Variants in REV3L observed in about 807,000 individuals in gnomAD.
REV3L encodes REV3 like, DNA directed polymerase zeta catalytic subunit, also known as DNA polymerase zeta catalytic subunit.
Under a neutral mutation model 299.4 loss-of-function variants are expected in REV3L, and 69 were observed. The observed-to-expected ratio is 0.23, with a 90% CI of 0.19 to 0.28. The LOEUF is 0.28. Among genes scored for constraint, REV3L ranks in the 10% least tolerant of loss-of-function variants. REV3L has a pLI of 1.00. For missense variants in REV3L, 3,128 were observed against 3,693.8 expected, an observed-to-expected ratio of 0.85 and a Z score of 3.97; for synonymous variants, 1,238 against 1,271.4, an observed-to-expected ratio of 0.97 and a Z score of 0.56.
chr6:111,397,243 A>G (rs1782609239), intron 4 of REV3L, among the ~76,000 whole-genome samples: 1 of 151,898 alleles, frequency 6.6e-6, no homozygotes, highest in South Asian at 2.1e-4. Context: ...ATAGGCACCT[A>G]TTGCTATAAA....
chr6:111,301,623 G>A (rs538605984), intron 31 of REV3L, among the ~76,000 whole-genome samples: 4 of 152,118 alleles, frequency 2.6e-5, no homozygotes, highest in Non-Finnish European at 4.4e-5. Flanking sequence ...GACCCATAAT[G>A]AGTCAGAATC....
intron 1 of REV3L, among the ~76,000 whole-genome samples, chr6:111,470,558 G>T (rs2128336733): frequency 6.6e-6 from 1 of 152,292 alleles, no homozygotes; most frequent in Non-Finnish European, 1.5e-5. Flanking sequence ...TTAGTAAAAT[G>T]ACGTAAAATT....
intron 18 of REV3L, among the ~76,000 whole-genome samples, chr6:111,352,518 A>G (rs1055654094): frequency 3.9e-5 from 6 of 152,120 alleles, no homozygotes; most frequent in Admixed American, 3.3e-4. Context: ...TTGTGTTGCC[A>G]CTTATCTACC....
chr6:111,379,001 C>T (rs1263761562), intron 11 of REV3L, among the ~76,000 whole-genome samples: 1 of 152,180 alleles, frequency 6.6e-6, no homozygotes, highest in East Asian at 1.9e-4. Flanking sequence ...TTCTAGACAC[C>T]ATGCTTCTAC....
At chr6:111,465,186 T>C (rs1290441903) in intron 1 of REV3L, among the ~76,000 whole-genome samples, 1 of 149,874 alleles carries the variant, frequency 6.7e-6, no homozygotes, top group Admixed American at 6.7e-5. Flanking sequence ...GTTCAAGTGA[T>C]TCTCCTGGCT....
chr6:111,396,154 G>A (rs1045354831), intron 4 of REV3L, among the ~76,000 whole-genome samples: 2 of 151,924 alleles, frequency 1.3e-5, no homozygotes, highest in Admixed American at 6.6e-5. Flanking sequence ...AGTCTCCCAA[G>A]TAGGTGGGAC....
intron 11 of REV3L, among the ~76,000 whole-genome samples, chr6:111,379,641 T>TA (rs1453543623): frequency 6.6e-6 from 1 of 152,244 alleles, no homozygotes; most frequent in Non-Finnish European, 1.5e-5. Flanking sequence ...GTTGTTCTGA[T>TA]ACCCAACAGT....
At chr6:111,427,405 T>G (rs996009484) in intron 1 of REV3L, among the ~76,000 whole-genome samples, 1 of 152,112 alleles carries the variant, frequency 6.6e-6, no homozygotes, top group African/African-American at 2.4e-5. Context: ...AATAAAATTT[T>G]AAAATGGACA....
chr6:111,336,170 A>G (rs1775878499), intron 21 of REV3L, among the ~76,000 whole-genome samples: 1 of 152,014 alleles, frequency 6.6e-6, no homozygotes. Flanking sequence ...TTGTTAAAAT[A>G]TAAAAGTTCT....
intron 25 of REV3L, among the ~76,000 whole-genome samples, chr6:111,327,425 A>G (rs765553011): frequency 7.2e-5 from 11 of 152,070 alleles, no homozygotes; most frequent in Non-Finnish European, 1.5e-4. Context: ...CATAGAGGTA[A>G]GCACCTGTAG....
chr6:111,475,893 C>G (rs1792886802), intron 1 of REV3L, among the ~76,000 whole-genome samples: 1 of 152,144 alleles, frequency 6.6e-6, no homozygotes, highest in African/African-American at 2.4e-5. Context: ...AAATCTTTAA[C>G]TCCTCTGGAA....
At chr6:111,300,901 A>G (rs751870401) in intron 31 of REV3L, among the ~76,000 whole-genome samples, 3 of 152,248 alleles carry the variant, frequency 2.0e-5, no homozygotes, top group African/African-American at 4.8e-5. Flanking sequence ...AAAGAACAGG[A>G]TAACAGCGAT....
rs1201908815 is a variant in REV3L, at chr6:111,373,110, G to A, written c.5245C>T (p.His1749Tyr). The A allele has an allele frequency of 1.9e-6, 3 of 1,614,016 alleles. No homozygotes were observed. Among genetic ancestry groups the A allele is most frequent in the Non-Finnish European group, 2.5e-6 (3 of 1,180,018 alleles). ...GAGTTAGACCGAGTTGTTAGAGGAT[G>A]AAAGCTATTTTTCCACTGGTTGTGG... Reference protein sequence around the residue: ...RRHNQWKNSFHPLTTRSNSIM... With the variant: ...RRHNQWKNSFYPLTTRSNSIM... Residue 1749 changes from histidine to tyrosine, a missense_variant, in exon 13 of 32, where the codon CAT becomes TAT. Physicochemically the swap from His to Tyr is moderately conservative, Grantham distance 83. Around this residue, in one of 9 missense-constraint regions of REV3L, gnomAD observed 2,409 missense variants for 2,611.8 expected, o/e 0.92. Transcript: ENST00000368802.
intron 9 of REV3L, among the ~76,000 whole-genome samples, 190 bp downstream of exon 9, chr6:111,387,575 T>C (rs1047549100): frequency 3.9e-5 from 6 of 152,212 alleles, no homozygotes; most frequent in African/African-American, 1.4e-4. Flanking sequence ...GGTAACAGTT[T>C]GCACTAACTT....
Position 111,363,934 on chromosome 6 carries a change from C to T in REV3L, c.6798G>A (p.Gln2266=), listed in dbSNP as rs377585458. The change falls in exon 16 of 32, where the codon CAG becomes CAA. Residue 2266 remains glutamine (Q), a synonymous_variant. Coordinates refer to ENST00000368802, the MANE Select transcript of REV3L (RefSeq NM_001372078.1). ...AVNTPQKETS[Q]IDGPSLNNTY... Reference sequence around the variant, plus strand: ...TATTGTTTAAAGATGGTCCATCAATCTGAGAAGTTTCTTTCTGTGGGGTAT... The same window carrying T: ...TATTGTTTAAAGATGGTCCATCAATTTGAGAAGTTTCTTTCTGTGGGGTAT... The T allele has an allele frequency of 1.3e-5, 21 of 1,613,246 alleles. No individual in the cohort carries two copies. Among genetic ancestry groups the T allele is most frequent in the Non-Finnish European group, 1.5e-5 (18 of 1,179,640 alleles).
chr6:111,448,389 C>A (rs990366175), intron 1 of REV3L, among the ~76,000 whole-genome samples: 2 of 150,848 alleles, frequency 1.3e-5, no homozygotes, highest in African/African-American at 4.9e-5. Flanking sequence ...CCCAGGCTGG[C>A]GTATAATAGA....
At chr6:111,359,520 G>GA (rs371680267) in intron 16 of REV3L, among the ~76,000 whole-genome samples, 4,693 of 102,588 alleles carry the variant, frequency 0.046, 304 homozygotes, top group Non-Finnish European at 0.057. Context: ...AGTTTTTCCT[G>GA]AAAAAAAAAA....
chr6:111,407,667 G>A (rs4446594), intron 3 of REV3L, among the ~76,000 whole-genome samples: 2,093 of 152,286 alleles, frequency 0.014, 84 homozygotes, highest in Admixed American at 0.082. Flanking sequence ...GAGCACAGTG[G>A]CTTGTGCTTG....
chr6:111,299,482 T>C lies in REV3L; in HGVS notation c.*534A>G, dbSNP rs1771238313. 1 of 152,596 alleles carries C rather than the reference T, an allele frequency of 6.6e-6. No homozygotes were observed. The highest frequency in any genetic ancestry group is 2.1e-4 in the South Asian group (1 of 4,830). 9.5% of individuals were successfully genotyped at this position (152,596 alleles called of 1,614,324 possible). A position where few individuals can be genotyped will look rare whatever the true frequency, so the allele number is the denominator to read the frequency against. ...GATCAAAATAACGATCTACTTTGAGTCAAGCAAAACCTAGAGGAAATATAC... is the reference window on the plus strand; with the variant it reads ...GATCAAAATAACGATCTACTTTGAGCCAAGCAAAACCTAGAGGAAATATAC... On this transcript the variant is annotated 3_prime_UTR_variant, in exon 32 of 32. Coordinates refer to ENST00000368802, the MANE Select transcript of REV3L (RefSeq NM_001372078.1).
Sources: allele counts gnomAD v4.1 joint callset (sites outside exome capture counted in the v4.1 genomes callset), GRCh38; gene constraint gnomAD v4.1.1; regional missense constraint gnomAD v4.1.1; transcripts MANE v1.5; gene names NCBI Gene and HGNC (gene_info 2026-07-23, HGNC 2026-07-21).